The following TTC19 variants were observed in gnomAD, a reference collection of about 807,000 sequenced individuals.
TTC19 encodes tetratricopeptide repeat protein 19, mitochondrial.
A neutral mutation model predicts 49.5 loss-of-function variants in TTC19; 38 were observed. That is an observed-to-expected ratio of 0.77 (90% confidence interval 0.59 to 1.01). TTC19 has a LOEUF of 1.01. TTC19 is among the 50% of genes least tolerant of loss of function. The pLI is 0.00. For synonymous variants in TTC19, 204 were observed against 185.2 expected (o/e 1.10, Z -0.83); for missense variants, 475 against 477.7 (o/e 0.99, Z 0.05).
chr17:16,032,402 G>A, downstream of TTC19: 1 of 1,614,158 alleles, frequency 6.2e-7, no homozygotes. Context: ...GTTCACCGCA[G>A]AGGGAGCACA....
In TTC19 at chr17:16,027,913, A is replaced by T. The variant is rs1183763628; in HGVS notation, c.*391A>T. Reference sequence around the variant, plus strand: ...CTGATTTGCTGCCCTGTCTTCTCTTACTTTACTTTATCAATACCTGGCAAA... The same window carrying T: ...CTGATTTGCTGCCCTGTCTTCTCTTTCTTTACTTTATCAATACCTGGCAAA... On this transcript the variant is annotated 3_prime_UTR_variant, in exon 10 of 10. Transcript: ENST00000261647. 1 of 457,568 alleles carries T rather than the reference A, an allele frequency of 2.2e-6. No homozygotes were observed. The highest frequency in any genetic ancestry group is 4.4e-6 in the Non-Finnish European group (1 of 229,102). The allele number at this position is 457,568 out of a possible 1,614,324, so 28.3% of individuals were successfully genotyped here.
rs1475554492 is a variant in TTC19, at chr17:16,027,964, C to T, written c.*442C>T. 1 of 454,466 alleles carries T rather than the reference C, an allele frequency of 2.2e-6. No individual in the cohort carries two copies. The highest frequency in any genetic ancestry group is 2.3e-5 in the Admixed American group (1 of 42,570). 28.2% of individuals were successfully genotyped at this position (454,466 alleles called of 1,614,324 possible). A position where few individuals can be genotyped will look rare whatever the true frequency, so the allele number is the denominator to read the frequency against. On this transcript the variant is annotated 3_prime_UTR_variant, in exon 10 of 10. Transcript: ENST00000261647. Reference sequence around the variant, plus strand: ...CTGACCAGAATTACCTTCCTCATGGCAAAGGGGGATTATGGTGAATTGTTG... The same window carrying T: ...CTGACCAGAATTACCTTCCTCATGGTAAAGGGGGATTATGGTGAATTGTTG...
At chr17:16,044,378 C>T in intron 2 of TTC19, 2 of 471,042 alleles carry the variant, frequency 4.2e-6, no homozygotes, top group Non-Finnish European at 4.4e-6. Context: ...AAGAGTGACA[C>T]AGATCTAAAC....
At chr17:16,044,767 G>A in exon 3 of TTC19, 1 of 900,102 alleles carries the variant, frequency 1.1e-6, no homozygotes, top group Non-Finnish European at 1.9e-6. Context: ...TGTTTGCAAT[G>A]GCCCTGGCCA....
chr17:16,006,320 G>A (rs1213239248), intron 6 of TTC19, among the ~76,000 whole-genome samples, 154 bp from the exon 7 acceptor site: 1 of 152,100 alleles, frequency 6.6e-6, no homozygotes, highest in African/African-American at 2.4e-5. Flanking sequence ...TAAGGCAGGA[G>A]AATCGCTTGA....
chr17:16,006,630 G>T, intron 7 of TTC19, 62 bp downstream of exon 7: 1 of 1,158,472 alleles, frequency 8.6e-7, no homozygotes, highest in South Asian at 1.3e-5. Flanking sequence ...TTACACTTTT[G>T]AGAAATGGAA....
chr17:16,032,465 T>C, downstream of TTC19: 1 of 1,595,078 alleles, frequency 6.3e-7, no homozygotes, highest in Non-Finnish European at 8.5e-7. Context: ...CAGAGGGTTA[T>C]AAGGAAACTG....
At chr17:16,033,199 G>T (rs1462228451), downstream of TTC19, among the ~76,000 whole-genome samples, 1 of 152,040 alleles carries the variant, frequency 6.6e-6, no homozygotes, top group Non-Finnish European at 1.5e-5. Flanking sequence ...GCCGGGTGTG[G>T]TGGTGCATGC....
intron 7 of TTC19, among the ~76,000 whole-genome samples, chr17:16,016,911 C>T (rs540499544): frequency 8.5e-5 from 13 of 152,190 alleles, no homozygotes; most frequent in African/African-American, 2.6e-4. Context: ...CCAAGCTGTT[C>T]TTGAACTCCT....
chr17:16,044,299 G>A (rs1377349367), intron 2 of TTC19: 2 of 436,986 alleles, frequency 4.6e-6, no homozygotes, highest in African/African-American at 2.0e-5. Flanking sequence ...TAAGAGCGAG[G>A]ACAAGTTCAG....
At chr17:16,009,726 AACATTACTTAATTACATAAAATT>A (rs1220643175) in intron 7 of TTC19, among the ~76,000 whole-genome samples, 1 of 152,200 alleles carries the variant, frequency 6.6e-6, no homozygotes, top group Non-Finnish European at 1.5e-5. Flanking sequence ...ATTCTAGGAT[AACATTACTTAATTACATAAAATT>A]ACATTACTTA....
At chr17:16,017,920 T>C (rs1971263269) in intron 7 of TTC19, among the ~76,000 whole-genome samples, 1 of 152,232 alleles carries the variant, frequency 6.6e-6, no homozygotes, top group African/African-American at 2.4e-5. Context: ...AGGGAAGGTA[T>C]ATGTATATAT....
chr17:16,039,027 C>T (rs373688637), intron 2 of TTC19, among the ~76,000 whole-genome samples: 1 of 152,220 alleles, frequency 6.6e-6, no homozygotes, highest in Admixed American at 6.5e-5. Flanking sequence ...CCTCCGCCCC[C>T]CAAAGTGCTG....
downstream of TTC19, chr17:16,031,561 A>G: frequency 4.6e-6 from 1 of 219,122 alleles, no homozygotes; most frequent in Non-Finnish European, 9.2e-6. Context: ...AAACTGAACT[A>G]GAACATACCC....
At chr17:16,041,695 A>G (rs2057692662) in intron 2 of TTC19, among the ~76,000 whole-genome samples, 1 of 151,742 alleles carries the variant, frequency 6.6e-6, no homozygotes, top group Admixed American at 6.6e-5. Flanking sequence ...GATTACAGGC[A>G]TGGGCCACTG....
At chr17:16,010,514 G>A (rs190667240) in intron 7 of TTC19, among the ~76,000 whole-genome samples, 2 of 127,010 alleles carry the variant, frequency 1.6e-5, no homozygotes, top group South Asian at 2.6e-4. Context: ...CCGCTCTGTC[G>A]CCCAGGCTGG....
intron 2 of TTC19, among the ~76,000 whole-genome samples, chr17:16,035,848 G>A (rs1413477637): frequency 6.6e-6 from 1 of 151,978 alleles, no homozygotes; most frequent in Non-Finnish European, 1.5e-5. Flanking sequence ...GGCCTCTCTT[G>A]CTATTTCTCC....
chr17:16,041,591 T>C (rs2057662501), intron 2 of TTC19, among the ~76,000 whole-genome samples: 1 of 151,662 alleles, frequency 6.6e-6, no homozygotes, highest in Non-Finnish European at 1.5e-5. Context: ...ATTTTTGTAT[T>C]TTTAGTAGAG....
At position 16,028,818 on chromosome 17, in the gene TTC19, C is replaced by CAACAAAAAAAA. The variant is rs1971698964; in HGVS notation, c.*1298_*1299insCAAAAAAAAAA. Reference sequence around the variant, plus strand: ...GTATCCCAGTAATCTTTGCATTTCTCAAAAAAAAAAAAAAAAAAAAAAAAA... The same window carrying CAACAAAAAAAA: ...GTATCCCAGTAATCTTTGCATTTCTCAACAAAAAAAAAAAAAAAAAAAAAAAAAAAAAAAAA... On this transcript the variant is annotated 3_prime_UTR_variant, in exon 10 of 10. Coordinates refer to ENST00000261647, the MANE Select transcript of TTC19 (RefSeq NM_017775.4). The CAACAAAAAAAA allele has an allele frequency of 1.1e-5, 1 of 86,990 alleles. No homozygotes were observed. Among genetic ancestry groups the CAACAAAAAAAA allele is most frequent in the Non-Finnish European group, 2.2e-5 (1 of 45,342 alleles). The allele number at this position is 86,990 out of a possible 1,614,324, so 5.4% of individuals were successfully genotyped here.
Sources: gnomAD v4.1 joint callset for allele counts (sites outside exome capture counted in the v4.1 genomes callset) on GRCh38, gnomAD v4.1.1 for gene constraint, MANE v1.5 for transcripts, NCBI Gene and HGNC (gene_info 2026-07-23, HGNC 2026-07-21) for gene names.